PTPN14: variants seen among roughly 807,000 people sequenced by gnomAD.
PTPN14 encodes the protein tyrosine-protein phosphatase non-receptor type 14.
A neutral mutation model predicts 126.8 loss-of-function variants in PTPN14; 53 were observed. That is an observed-to-expected ratio of 0.42 (90% CI 0.34 to 0.53). PTPN14 has a LOEUF of 0.53. Among genes scored for constraint, PTPN14 ranks in the 20% least tolerant of loss-of-function variants. The pLI, the probability that PTPN14 is intolerant of heterozygous loss-of-function variation, is 0.08. For missense variants in PTPN14, 1,257 were observed against 1,552.9 expected (o/e 0.81, Z 3.20); for synonymous variants, 630 against 599.3 (o/e 1.05, Z -0.75).
intron 3 of PTPN14, among the ~76,000 whole-genome samples, chr1:214,423,230 G>A (rs1191639495): frequency 1.3e-5 from 2 of 152,176 alleles, no homozygotes; most frequent in African/African-American, 2.4e-5. Context: ...GGAGGTGGAG[G>A]TGGGAGAACC....
chr1:214,498,223 A>G (rs1301942454), intron 1 of PTPN14, among the ~76,000 whole-genome samples: 2 of 152,150 alleles, frequency 1.3e-5, no homozygotes, highest in Non-Finnish European at 2.9e-5. Context: ...CCAAGAGTTA[A>G]GCTCCTCCTT....
chr1:214,413,328 C>T (rs1315867621), intron 4 of PTPN14, among the ~76,000 whole-genome samples: 1 of 152,226 alleles, frequency 6.6e-6, no homozygotes, highest in African/African-American at 2.4e-5. Context: ...AGAGGTGATA[C>T]ATCAGATTTT....
chr1:214,357,680 AC>A lies in PTPN14; in HGVS notation c.*241del. 1 of 353,714 alleles carries A rather than the reference AC, an allele frequency of 2.8e-6. No homozygotes were observed. Among genetic ancestry groups the A allele is most frequent in the Non-Finnish European group, 5.2e-6 (1 of 191,978 alleles). The allele number at this position is 353,714 out of a possible 1,614,324, so 21.9% of individuals were successfully genotyped here. On this transcript the variant is annotated 3_prime_UTR_variant, in exon 19 of 19. Transcript: ENST00000366956. Reference sequence around the variant, plus strand: ...TCAAGATGTGGTTCAAATGAAAAGTACTATATTACTAGGGAAACTGCATTAT... The same window carrying A: ...TCAAGATGTGGTTCAAATGAAAAGTATATATTACTAGGGAAACTGCATTAT...
intron 16 of PTPN14, 118 bp downstream of exon 16, chr1:214,372,593 G>A: frequency 7.1e-7 from 1 of 1,415,912 alleles, no homozygotes; most frequent in Non-Finnish European, 9.9e-7. Flanking sequence ...AAAAGCATGT[G>A]CAGAGAAACA....
intron 1 of PTPN14, among the ~76,000 whole-genome samples, chr1:214,507,710 C>T (rs935745230): frequency 1.3e-5 from 2 of 152,116 alleles, no homozygotes; most frequent in Admixed American, 6.5e-5. Context: ...TGCGATAAAA[C>T]GAATCTCACA....
At chr1:214,526,578 C>A (rs79942639) in intron 1 of PTPN14, among the ~76,000 whole-genome samples, 5,550 of 150,454 alleles carry the variant, frequency 0.037, 150 homozygotes, top group Non-Finnish European at 0.057. Flanking sequence ...GAAAAAAAAA[C>A]AGTTCTTAGA....
At chr1:214,461,614 A>G (rs1307097181) in intron 2 of PTPN14, among the ~76,000 whole-genome samples, 1 of 149,662 alleles carries the variant, frequency 6.7e-6, no homozygotes, top group East Asian at 2.0e-4. Flanking sequence ...TGGGCAATAG[A>G]GCAAGATCCT....
chr1:214,427,395 T>C (rs1327040992), intron 3 of PTPN14, among the ~76,000 whole-genome samples: 1 of 152,118 alleles, frequency 6.6e-6, no homozygotes, highest in Non-Finnish European at 1.5e-5. Flanking sequence ...ATAAAAGCTG[T>C]CAGATTCTAT....
intron 18 of PTPN14, among the ~76,000 whole-genome samples, chr1:214,358,338 T>C (rs1281881019): frequency 6.6e-6 from 1 of 152,080 alleles, no homozygotes; most frequent in Non-Finnish European, 1.5e-5. Context: ...ACAGTCATAG[T>C]TCACTGCAGC....
At chr1:214,430,534 C>T (rs1456248379) in intron 3 of PTPN14, among the ~76,000 whole-genome samples, 6 of 152,130 alleles carry the variant, frequency 3.9e-5, no homozygotes, top group Non-Finnish European at 7.3e-5. Context: ...GAATGGGTCT[C>T]GTCCAATCAG....
chr1:214,417,032 C>A lies in PTPN14; in HGVS notation c.345-2306G>T, dbSNP rs114262432. Reference sequence around the variant, plus strand: ...TGGAGGGGAAAAGGAAAAAAAAAAACAACAATTTTCATGCCAGGAAAGTAA... The same window carrying A: ...TGGAGGGGAAAAGGAAAAAAAAAAAAAACAATTTTCATGCCAGGAAAGTAA... On this transcript the variant is annotated intron_variant, in intron 3 of 18. Coordinates refer to ENST00000366956, the MANE Select transcript of PTPN14 (RefSeq NM_005401.5). Among the ~76,000 whole-genome samples, 1,033 of 150,964 alleles carry A rather than the reference C, an allele frequency of 6.8e-3. 6 individuals are homozygous for A. Among genetic ancestry groups the A allele is most frequent in the Non-Finnish European group, 0.011 (722 of 67,688 alleles).
rs1397403200 is a variant in PTPN14, at chr1:214,350,947, T to C, written c.*6975A>G. The C allele has an allele frequency of 6.6e-6, 1 of 150,796 alleles. No individual in the cohort carries two copies. Among genetic ancestry groups the C allele is most frequent in the Non-Finnish European group, 1.5e-5 (1 of 67,748 alleles). The allele number at this position is 150,796 out of a possible 1,614,324, so 9.3% of individuals were successfully genotyped here. A position where few individuals can be genotyped will look rare whatever the true frequency, so the allele number is the denominator to read the frequency against. On this transcript the variant is annotated 3_prime_UTR_variant, in exon 19 of 19. Coordinates refer to ENST00000366956, the MANE Select transcript of PTPN14 (RefSeq NM_005401.5). ...TTCCTAATTACATATTTCTGAGAGGTTTAAGGCAATGATTCTCTGACGAGG... is the reference window on the plus strand; with the variant it reads ...TTCCTAATTACATATTTCTGAGAGGCTTAAGGCAATGATTCTCTGACGAGG...
rs1156860863 is a variant in PTPN14, at chr1:214,493,482, T to C, written c.-154-28525A>G. 4.6e-5 allele frequency among the ~76,000 whole-genome samples: 7 copies of C among 152,254 alleles called. No homozygotes were observed. The East Asian group carries it at 1.4e-3, about 29-fold the overall frequency. On this transcript the variant is annotated intron_variant, in intron 1 of 18. Coordinates refer to ENST00000366956, the MANE Select transcript of PTPN14 (RefSeq NM_005401.5). ...TATGTATTATATGCCTGTATCAAAA[T>C]AGCTCATGTGCTCCATAAGTATATA...
chr1:214,380,706 C>G (rs571561278), intron 13 of PTPN14, among the ~76,000 whole-genome samples: 1 of 152,330 alleles, frequency 6.6e-6, no homozygotes, highest in South Asian at 2.1e-4. Context: ...CTTAGAATGG[C>G]CATCACCTCT....
intron 1 of PTPN14, among the ~76,000 whole-genome samples, chr1:214,505,182 G>GAA (rs59339685): frequency 4.1e-5 from 6 of 144,604 alleles, no homozygotes; most frequent in South Asian, 2.2e-4. Flanking sequence ...ACCCGCCAGG[G>GAA]AAAAAAAAAA....
intron 3 of PTPN14, among the ~76,000 whole-genome samples, chr1:214,440,219 T>C (rs1660008529): frequency 6.6e-6 from 1 of 152,240 alleles, no homozygotes; most frequent in Non-Finnish European, 1.5e-5. Flanking sequence ...CTCAGTTTCT[T>C]CATCTGTAAA....
At chr1:214,544,792 C>T (rs577521402) in intron 1 of PTPN14, among the ~76,000 whole-genome samples, 1 of 139,454 alleles carries the variant, frequency 7.2e-6, no homozygotes, top group African/African-American at 2.7e-5. Context: ...AAGAAAGAGA[C>T]AGAGAGAAAA....
At chr1:214,474,660 A>T (rs946033238) in intron 1 of PTPN14, among the ~76,000 whole-genome samples, 1 of 152,182 alleles carries the variant, frequency 6.6e-6, no homozygotes, top group African/African-American at 2.4e-5. Context: ...AGCCTCCATA[A>T]CCCGGAAGCA....
Position 214,402,630 on chromosome 1 carries a change from T to TAAGGAAGG in PTPN14, c.581+245_581+252dup, listed in dbSNP as rs1255911197. On this transcript the variant is annotated intron_variant, in intron 6 of 18. Transcript: ENST00000366956. The stretch of plus-strand genomic sequence containing the variant: ...GCTGTCTCAGGCTTCCCAGATTCTC[T>TAAGGAAGG]AAGGAAGGAAGGAAGGAAGGAAGGA... Among the ~76,000 whole-genome samples, 103 of 31,350 alleles carry TAAGGAAGG rather than the reference T, an allele frequency of 3.3e-3. 12 individuals are homozygous for TAAGGAAGG. Among genetic ancestry groups the TAAGGAAGG allele is most frequent in the South Asian group, 5.6e-3 (3 of 536 alleles). 20.6% of individuals were successfully genotyped at this position (31,350 alleles called of 152,430 possible). A position where few individuals can be genotyped will look rare whatever the true frequency, so the allele number is the denominator to read the frequency against.
Sources: gnomAD v4.1 joint callset for allele counts (sites outside exome capture counted in the v4.1 genomes callset) on GRCh38, gnomAD v4.1.1 for gene constraint, MANE v1.5 for transcripts, NCBI Gene and HGNC (gene_info 2026-07-23, HGNC 2026-07-21) for gene names.